SAFB2: variants seen among roughly 807,000 people sequenced by gnomAD.
SAFB2 encodes scaffold attachment factor B2.
SAFB2 carries 32 observed loss-of-function variants against 100.6 expected under a neutral mutation model. That is an observed-to-expected ratio of 0.32 (90% CI 0.24 to 0.43). SAFB2 has a LOEUF of 0.43. Ranked by LOEUF, SAFB2 falls within the 20% of genes least tolerant of loss-of-function variation. The probability of loss-of-function intolerance (pLI) is 1.00; values close to 1 mark genes in which losing one functional copy is unlikely to be tolerated. For synonymous variants in SAFB2, 500 were observed against 439.4 expected, an observed-to-expected ratio of 1.14 and a Z score of -1.72; for missense variants, 1,185 against 1,163.4, an observed-to-expected ratio of 1.02 and a Z score of -0.27.
chr19:5,614,874 T>C (rs2052988883), intron 4 of SAFB2, among the ~76,000 whole-genome samples: 2 of 152,244 alleles, frequency 1.3e-5, no homozygotes, highest in South Asian at 4.1e-4. Context: ...TTGTCTTCAC[T>C]GTACTTTACA....
At position 5,591,812 on chromosome 19, in the gene SAFB2, C is replaced by G; in HGVS notation, c.2349-19G>C. 6.2e-7 allele frequency: 1 copy of G among 1,613,854 alleles called. No homozygotes were observed. Among genetic ancestry groups the G allele is most frequent in the Non-Finnish European group, 8.5e-7 (1 of 1,179,832 alleles). On this transcript the variant is annotated intron_variant, in intron 16 of 20. Transcript: ENST00000252542. ...CTCCCGCCTGCAAAAGGAAAAGATCCCGTTCAAACAGCACCAGGCACGACT... is the reference window on the plus strand; with the variant it reads ...CTCCCGCCTGCAAAAGGAAAAGATCGCGTTCAAACAGCACCAGGCACGACT...
chr19:5,602,624 G>A (rs1260505579), intron 11 of SAFB2, among the ~76,000 whole-genome samples: 1 of 151,814 alleles, frequency 6.6e-6, no homozygotes, highest in Non-Finnish European at 1.5e-5. Flanking sequence ...CTCTAGGCCT[G>A]TATCCTCTCC....
At chr19:5,610,236 T>A in intron 8 of SAFB2, 141 bp from the exon 9 acceptor site, 2 of 666,660 alleles carry the variant, frequency 3.0e-6, no homozygotes, top group Non-Finnish European at 5.3e-6. Context: ...CACACACACA[T>A]GCCAACACAC....
intron 11 of SAFB2, among the ~76,000 whole-genome samples, chr19:5,600,638 C>T (rs1487487885): frequency 6.6e-6 from 1 of 152,154 alleles, no homozygotes; most frequent in African/African-American, 2.4e-5. Flanking sequence ...TGTTTATAAG[C>T]TTTATAGGGA....
At chr19:5,600,612 T>C (rs930641350) in intron 11 of SAFB2, among the ~76,000 whole-genome samples, 5 of 152,208 alleles carry the variant, frequency 3.3e-5, no homozygotes, top group African/African-American at 1.2e-4. Flanking sequence ...TGTTTCATCA[T>C]GTATGTGTGG....
rs1467018535 is a variant in SAFB2 at position 5,587,945 on chromosome 19, A to G, written c.2561T>C (p.Leu854Pro). ...CCAGGCGCGTGCCTGGTGCTCCTCT[A>G]GCCGCTGGTTGTGCTCTCCCCAGTC... Reference protein sequence around the residue: ...GRDWGEHNQRLEEHQARAWQG... With the variant: ...GRDWGEHNQRPEEHQARAWQG... The change falls in exon 19 of 21, where the codon CTA (leucine) becomes CCA (proline). Residue 854 changes from leucine to proline, a missense_variant. Around this residue, in one of 3 missense-constraint regions of SAFB2, gnomAD observed 740 missense variants for 687.1 expected, o/e 1.08. Transcript: ENST00000252542. This position sits in a 1 kb window ranked among gnomAD's most constrained non-coding sequence, Gnocchi z 4.9. 1.2e-6 allele frequency: 2 copies of G among 1,612,960 alleles called. No individual in the cohort carries two copies. Among genetic ancestry groups the G allele is most frequent in the Non-Finnish European group, 8.5e-7 (1 of 1,179,900 alleles).
In SAFB2 at chr19:5,594,086, T is replaced by G; in HGVS notation, c.2012A>C (p.Glu671Ala). ...ARLQRERLQL[E>A]CQRQRLERER... ...CCGCTCCAGCCGCTGGCGCTGGCACTCGAGCTGCAGGCGTTCCCGCTGTAG... is the reference window on the plus strand; with the variant it reads ...CCGCTCCAGCCGCTGGCGCTGGCACGCGAGCTGCAGGCGTTCCCGCTGTAG... The change falls in exon 15 of 21, where the codon GAG (glutamate) becomes GCG (alanine). Residue 671 changes from glutamate to alanine, a missense_variant. Physicochemically the swap from Glu to Ala is moderately radical, Grantham distance 107. This residue lies in a region of SAFB2 where 740 missense variants were observed against 687.1 expected (regional missense o/e 1.08). Transcript: ENST00000252542. The G allele has an allele frequency of 6.3e-7, 1 of 1,597,782 alleles. No individual in the cohort carries two copies.
chr19:5,622,439 G>A (rs2053183807), intron 1 of SAFB2, 91 bp downstream of exon 1: 1 of 1,336,318 alleles, frequency 7.5e-7, no homozygotes, highest in Non-Finnish European at 9.8e-7. Context: ...GGCGAACCCA[G>A]GGCGCCCCGG....
chr19:5,616,865 T>C (rs1333989739), intron 2 of SAFB2, among the ~76,000 whole-genome samples: 1 of 152,084 alleles, frequency 6.6e-6, no homozygotes, highest in African/African-American at 2.4e-5. Flanking sequence ...TTGGCCAGGC[T>C]GGTCTCAAAC....
intron 13 of SAFB2, among the ~76,000 whole-genome samples, chr19:5,595,833 G>A (rs998004426): frequency 2.6e-5 from 4 of 152,214 alleles, no homozygotes; most frequent in African/African-American, 4.8e-5. Context: ...TCAGAGCCAC[G>A]GGCACATCCG....
chr19:5,610,334 TTGA>T, intron 8 of SAFB2: 1 of 591,302 alleles, frequency 1.7e-6, no homozygotes, highest in Non-Finnish European at 3.0e-6. Context: ...GAAATGTCTT[TTGA>T]TGATCAGATC....
chr19:5,609,264 T>C (rs2052849968), intron 9 of SAFB2, among the ~76,000 whole-genome samples: 1 of 151,376 alleles, frequency 6.6e-6, no homozygotes, highest in Admixed American at 6.6e-5. Flanking sequence ...ATACTTAAAA[T>C]GCTAAATGAT....
chr19:5,592,501 C>A (rs2052431744), intron 16 of SAFB2, among the ~76,000 whole-genome samples: 2 of 151,418 alleles, frequency 1.3e-5, no homozygotes, highest in Non-Finnish European at 3.0e-5. Context: ...TCAGGCCCCT[C>A]CTGGCCCACC....
Position 5,621,297 on chromosome 19 carries a change from T to A in SAFB2, c.274+12A>T. 1.3e-6 allele frequency: 2 copies of A among 1,564,878 alleles called. No homozygotes were observed. ...CTGAACACTCAAGCCCCAAGCAGCA[T>A]ATGTACAATACCTTTAACACATCTC... On this transcript the variant is annotated intron_variant, in intron 2 of 20. Transcript: ENST00000252542.
At chr19:5,596,099 C>T (rs931403137) in intron 13 of SAFB2, among the ~76,000 whole-genome samples, 1 of 152,134 alleles carries the variant, frequency 6.6e-6, no homozygotes, top group African/African-American at 2.4e-5. Flanking sequence ...CCCGTCTCAA[C>T]TAAAAATACA....
At chr19:5,595,284 C>T (rs2052512150) in intron 14 of SAFB2, 77 bp downstream of exon 14, 1 of 1,554,054 alleles carries the variant, frequency 6.4e-7, no homozygotes, top group Non-Finnish European at 8.6e-7. Flanking sequence ...AGACTGCGCA[C>T]TCCAAGTACA....
At chr19:5,603,758 G>A (rs1369428643) in intron 11 of SAFB2, among the ~76,000 whole-genome samples, 2 of 152,100 alleles carry the variant, frequency 1.3e-5, no homozygotes, top group Non-Finnish European at 2.9e-5. Flanking sequence ...TTAATTTTGA[G>A]GTAAACACAG....
chr19:5,621,541 A>C, intron 1 of SAFB2, 145 bp from the exon 2 acceptor site: 2 of 667,882 alleles, frequency 3.0e-6, no homozygotes, highest in Non-Finnish European at 5.4e-6. Flanking sequence ...CCGCAAGCCC[A>C]AAAGGCGGAG....
At chr19:5,621,032 G>C (rs1302746950) in intron 2 of SAFB2, among the ~76,000 whole-genome samples, 1 of 152,162 alleles carries the variant, frequency 6.6e-6, no homozygotes, top group African/African-American at 2.4e-5. Flanking sequence ...GTAGCTTTAA[G>C]AGCTTGTCTT....
Sources: gnomAD v4.1 joint callset for allele counts (sites outside exome capture counted in the v4.1 genomes callset) on GRCh38, gnomAD v4.1.1 for gene constraint, gnomAD v4.1.1 regional missense constraint, Gnocchi (gnomAD v3.1) non-coding constraint, MANE v1.5 for transcripts, NCBI Gene and HGNC (gene_info 2026-07-23, HGNC 2026-07-21) for gene names.